Variants in AIM2 observed in about 807,000 individuals in gnomAD.
AIM2 encodes absent in melanoma 2, also known as interferon-inducible protein AIM2.
AIM2 carries 30 observed loss-of-function variants against 27.7 expected under a neutral mutation model. That is an observed-to-expected ratio of 1.08 (90% CI 0.81 to 1.47). The LOEUF is 1.47. AIM2 is among the 40% of genes most tolerant of loss of function. The pLI is 0.00. For missense variants in AIM2, 358 were observed against 411.3 expected (o/e 0.87, Z 1.12); for synonymous variants, 141 against 145.3 (o/e 0.97, Z 0.21).
chr1:159,113,772 A>G (rs1557909362), intron 1 of AIM2, among the ~76,000 whole-genome samples: 1 of 152,208 alleles, frequency 6.6e-6, no homozygotes, highest in Non-Finnish European at 1.5e-5. Context: ...AGGGATGACC[A>G]TGTATTTTGA....
chr1:159,099,078 G>T (rs1237275494), intron 1 of AIM2, among the ~76,000 whole-genome samples: 1 of 151,720 alleles, frequency 6.6e-6, no homozygotes, highest in Non-Finnish European at 1.5e-5. Flanking sequence ...TTGGGGTCTT[G>T]TAACAGTAGA....
intron 1 of AIM2, among the ~76,000 whole-genome samples, chr1:159,125,466 C>G (rs1394973312): frequency 1.3e-5 from 2 of 152,144 alleles, no homozygotes; most frequent in Non-Finnish European, 2.9e-5. Flanking sequence ...ATATTTTAAT[C>G]TAAAGCTGAG....
At chr1:159,068,814 CA>C in intron 2 of AIM2, 113 bp from the exon 3 acceptor site, 2 of 1,098,300 alleles carry the variant, frequency 1.8e-6, no homozygotes, top group South Asian at 3.2e-5. Context: ...TCTTCAAGAA[CA>C]GCTAATTTTT....
intron 1 of AIM2, among the ~76,000 whole-genome samples, chr1:159,089,527 C>T (rs1301770059): frequency 6.6e-6 from 1 of 152,158 alleles, no homozygotes; most frequent in Non-Finnish European, 1.5e-5. Context: ...GTTTGTTCAA[C>T]CCCCTTACCT....
At chr1:159,099,946 C>T (rs1657277372) in intron 1 of AIM2, among the ~76,000 whole-genome samples, 1 of 152,248 alleles carries the variant, frequency 6.6e-6, no homozygotes, top group South Asian at 2.1e-4. Flanking sequence ...TTCTTACTCC[C>T]AGCCTTTCCC....
chr1:159,128,371 T>A (rs1647777984), intron 1 of AIM2, among the ~76,000 whole-genome samples: 1 of 152,152 alleles, frequency 6.6e-6, no homozygotes, highest in South Asian at 2.1e-4. Context: ...CTCTTTCCTT[T>A]GAGTTTTCTA....
intron 1 of AIM2, among the ~76,000 whole-genome samples, chr1:159,093,894 C>A (rs1006051265): frequency 1.8e-5 from 2 of 112,276 alleles, no homozygotes; most frequent in Non-Finnish European, 4.3e-5. Context: ...TACCACCATG[C>A]CTGGATATTT....
At chr1:159,108,619 A>G (rs543429344) in intron 1 of AIM2, among the ~76,000 whole-genome samples, 1 of 152,134 alleles carries the variant, frequency 6.6e-6, no homozygotes, top group Non-Finnish European at 1.5e-5. Flanking sequence ...GTTTGTGGCG[A>G]TATCATAATT....
intron 1 of AIM2, among the ~76,000 whole-genome samples, chr1:159,118,156 T>C (rs1647433945): frequency 6.6e-6 from 1 of 152,116 alleles, no homozygotes; most frequent in Non-Finnish European, 1.5e-5. Context: ...AATACATTAG[T>C]AGTTAGCTTT....
downstream of AIM2, among the ~76,000 whole-genome samples, chr1:159,058,046 G>A (rs954027904): frequency 1.3e-5 from 2 of 152,126 alleles, no homozygotes; most frequent in African/African-American, 4.8e-5. Flanking sequence ...TGGAGTTCTT[G>A]GACCTGTTAG....
intron 1 of AIM2, among the ~76,000 whole-genome samples, chr1:159,119,609 A>G (rs916308964): frequency 6.6e-6 from 1 of 152,196 alleles, no homozygotes; most frequent in African/African-American, 2.4e-5. Flanking sequence ...GAAACCTAGA[A>G]TCAGCCAGTT....
At chr1:159,111,193 T>G (rs1657565289) in intron 1 of AIM2, among the ~76,000 whole-genome samples, 1 of 152,168 alleles carries the variant, frequency 6.6e-6, no homozygotes, top group Admixed American at 6.5e-5. Flanking sequence ...TGACCTCAAA[T>G]TAGACTAATG....
intron 1 of AIM2, among the ~76,000 whole-genome samples, chr1:159,120,180 T>A (rs1647494524): frequency 6.6e-6 from 1 of 152,104 alleles, no homozygotes; most frequent in South Asian, 2.1e-4. Context: ...GTAAAATAAT[T>A]TCAAAATTAT....
intron 1 of AIM2, among the ~76,000 whole-genome samples, chr1:159,097,744 T>C (rs1446203952): frequency 1.3e-5 from 2 of 152,328 alleles, no homozygotes; most frequent in Admixed American, 6.5e-5. Flanking sequence ...CATAAGTTAA[T>C]GTACATGAAA....
At chr1:159,139,171 G>A (rs370862930) in intron 1 of AIM2, among the ~76,000 whole-genome samples, 3 of 152,294 alleles carry the variant, frequency 2.0e-5, no homozygotes, top group Admixed American at 6.5e-5. Flanking sequence ...CTTGAGTGGG[G>A]TAGCCAGGAG....
At chr1:159,142,003 T>C (rs553588611), upstream of AIM2, among the ~76,000 whole-genome samples, 2 of 152,294 alleles carry the variant, frequency 1.3e-5, no homozygotes, top group South Asian at 2.1e-4. Flanking sequence ...TCGATTCTCA[T>C]GCTAATTAAG....
chr1:159,097,362 T>C (rs924819622), intron 1 of AIM2, among the ~76,000 whole-genome samples: 10 of 152,102 alleles, frequency 6.6e-5, no homozygotes, highest in African/African-American at 2.4e-4. Context: ...TATTGTCCCC[T>C]GGGCCATAGC....
At chr1:159,103,862 G>A (rs567431750) in intron 1 of AIM2, among the ~76,000 whole-genome samples, 1 of 151,942 alleles carries the variant, frequency 6.6e-6, no homozygotes, top group Non-Finnish European at 1.5e-5. Flanking sequence ...ATTCACCCAC[G>A]CCAGCCAAAG....
upstream of AIM2, among the ~76,000 whole-genome samples, chr1:159,077,919 A>G (rs1366176828): frequency 2.0e-5 from 3 of 152,210 alleles, no homozygotes; most frequent in East Asian, 5.8e-4. Flanking sequence ...CTGCCAAGTC[A>G]TGAAAACAGA....
Sources: allele counts gnomAD v4.1 joint callset (sites outside exome capture counted in the v4.1 genomes callset), GRCh38; gene constraint gnomAD v4.1.1; transcripts MANE v1.5; gene names NCBI Gene and HGNC (gene_info 2026-07-23, HGNC 2026-07-21).